APBB1: variants seen among roughly 807,000 people sequenced by gnomAD.
APBB1 encodes the protein adaptor protein FE65a2.
APBB1 carries 22 observed loss-of-function variants against 78.4 expected under a neutral mutation model. The observed-to-expected ratio is 0.28, with a 90% CI of 0.20 to 0.40. APBB1 has a LOEUF of 0.40. APBB1 is among the 10% of genes least tolerant of loss of function. The pLI, the probability that APBB1 is intolerant of heterozygous loss-of-function variation, is 1.00. For missense variants in APBB1, 749 were observed against 932.4 expected, an observed-to-expected ratio of 0.80 and a Z score of 2.56; for synonymous variants, 369 against 372.7, an observed-to-expected ratio of 0.99 and a Z score of 0.12.
At chr11:6,416,987 G>A (rs979695602) in intron 1 of APBB1, among the ~76,000 whole-genome samples, 98 of 152,246 alleles carry the variant, frequency 6.4e-4, no homozygotes, top group Admixed American at 1.4e-3. Flanking sequence ...CAGGTGATCC[G>A]CCCGCCTTGG....
chr11:6,398,468 G>C (rs57980643), intron 12 of APBB1, among the ~76,000 whole-genome samples: 1 of 152,170 alleles, frequency 6.6e-6, no homozygotes, highest in Admixed American at 6.5e-5. Flanking sequence ...GTTTAAAAAC[G>C]AGCATAAGAT....
rs1341165142 is a variant in APBB1, at chr11:6,419,029, C to T, written c.-59G>A. On this transcript the variant is annotated 5_prime_UTR_variant, in exon 1 of 15. Transcript: ENST00000609360. ...GCCCAGATGACGGAGGTGGCTCAGGCTGCGGGGTTCGGGCTCCGCCGCGGC... is the reference window on the plus strand; with the variant it reads ...GCCCAGATGACGGAGGTGGCTCAGGTTGCGGGGTTCGGGCTCCGCCGCGGC... 7.6e-6 allele frequency: 3 copies of T among 393,406 alleles called. No homozygotes were observed. The highest frequency in any genetic ancestry group is 3.6e-5 in the East Asian group (1 of 27,756). The allele number at this position is 393,406 out of a possible 1,614,324, so 24.4% of individuals were successfully genotyped here. A position where few individuals can be genotyped will look rare whatever the true frequency, so the allele number is the denominator to read the frequency against.
Position 6,395,872 on chromosome 11 carries a change from C to G in APBB1, c.1879G>C (p.Ala627Pro). The change falls in exon 14 of 15, where the codon GCC becomes CCC. Residue 627 changes from alanine to proline, a missense_variant. Transcript: ENST00000609360. The surrounding 1 kb of genome is among the most constrained non-coding windows in gnomAD (Gnocchi z 5.2). Reference sequence around the variant, plus strand: ...TGGCAGCAGAAGGAGGCTGGGCCGGCAGCCATGATGAATGCAAACGTGTGG... The same window carrying G: ...TGGCAGCAGAAGGAGGCTGGGCCGGGAGCCATGATGAATGCAAACGTGTGG... ...DVHTFAFIMA[A>P]GPASFCCHMF... 1 of 1,614,100 alleles carries G rather than the reference C, an allele frequency of 6.2e-7. No homozygotes were observed. The highest frequency in any genetic ancestry group is 8.5e-7 in the Non-Finnish European group (1 of 1,180,016).
chr11:6,405,769 G>A (rs1848778160), intron 2 of APBB1: 12 of 789,014 alleles, frequency 1.5e-5, no homozygotes, highest in Middle Eastern at 6.5e-4. Context: ...CACACTCTAT[G>A]GAATAAGGTT....
chr11:6,405,308 G>A (rs1848753910), intron 2 of APBB1: 2 of 988,540 alleles, frequency 2.0e-6, no homozygotes, highest in Admixed American at 6.0e-5. Context: ...TTGAACCCAA[G>A]GGTGGGCTTT....
At chr11:6,409,111 C>T (rs1848894454) in intron 2 of APBB1, among the ~76,000 whole-genome samples, 1 of 152,012 alleles carries the variant, frequency 6.6e-6, no homozygotes, top group Non-Finnish European at 1.5e-5. Context: ...TCTCTGCCAT[C>T]CAGGCTGGAA....
intron 7 of APBB1, 164 bp downstream of exon 7, chr11:6,402,412 A>C (rs1349574162): frequency 2.8e-5 from 30 of 1,082,716 alleles, no homozygotes; most frequent in Non-Finnish European, 3.7e-5. Context: ...CTATCTCCCA[A>C]GGTCCTGGCC....
rs147252435 is a variant in APBB1 at position 6,403,199 on chromosome 11, C to T, written c.1050G>A (p.Pro350=). ...GAAGCTTCTCCTCCTCTTGGGGCAA[C>T]GGCTCTGGGCTGAAGGCAGATGGTA... ...TFPAQSLSPE[P]LPQEEEKLPP... The change falls in exon 6 of 15, where the codon CCG becomes CCA. Residue 350 remains proline, a synonymous_variant. Transcript: ENST00000609360. The surrounding 1 kb of genome is among the most constrained non-coding windows in gnomAD (Gnocchi z 5.3). 651 of 1,613,146 alleles carry T rather than the reference C, an allele frequency of 4.0e-4. No individual in the cohort carries two copies. Among genetic ancestry groups the T allele is most frequent in the Non-Finnish European group, 5.1e-4 (596 of 1,179,644 alleles).
intron 1 of APBB1, among the ~76,000 whole-genome samples, chr11:6,416,792 A>C (rs1849130383): frequency 6.6e-6 from 1 of 151,396 alleles, no homozygotes; most frequent in African/African-American, 2.4e-5. Flanking sequence ...CCCAGGCTAC[A>C]GTGCAGTGGC....
intron 2 of APBB1, chr11:6,404,506 C>T (rs368631586): frequency 1.3e-5 from 18 of 1,401,374 alleles, no homozygotes; most frequent in African/African-American, 1.3e-4. Context: ...ACACGGCACA[C>T]GTCAAACCCT....
Position 6,417,287 on chromosome 11 carries a change from G to A in APBB1, c.-15+1698C>T, listed in dbSNP as rs987455544. On this transcript the variant is annotated intron_variant, in intron 1 of 14. Transcript: ENST00000609360. ...TCATCCACTATATTTTAGTTCAAAC[G>A]TCATGTTCTCAGAGAAGCTGTCCTC... Among the ~76,000 whole-genome samples, 30 of 152,160 alleles carry A rather than the reference G, an allele frequency of 2.0e-4. 1 individual carries two copies. The highest frequency in any genetic ancestry group is 7.0e-4 in the African/African-American group (29 of 41,516).
Position 6,396,224 on chromosome 11 carries a change from T to G in APBB1, c.1673-9A>C. On this transcript the variant is annotated splice_polypyrimidine_tract_variant and intron_variant, in intron 12 of 14. Transcript: ENST00000609360. ...ATTAATCACATCTACCCCTAGAACA[T>G]ATGGACACAAGATACCACTGAGGGT... The G allele has an allele frequency of 6.5e-7, 1 of 1,548,936 alleles. No individual in the cohort carries two copies. Among genetic ancestry groups the G allele is most frequent in the Non-Finnish European group, 8.7e-7 (1 of 1,145,354 alleles).
intron 6 of APBB1, 81 bp from the exon 7 acceptor site, chr11:6,402,806 G>T: frequency 6.4e-7 from 1 of 1,556,034 alleles, no homozygotes; most frequent in Non-Finnish European, 8.8e-7. Context: ...TGTGGCAGGA[G>T]GCAGGGTGTT....
intron 1 of APBB1, among the ~76,000 whole-genome samples, chr11:6,412,983 A>G (rs1240770149): frequency 2.0e-5 from 3 of 151,694 alleles, no homozygotes; most frequent in African/African-American, 7.3e-5. Flanking sequence ...AGTCCCAACT[A>G]TCCTTCCAGC....
chr11:6,415,047 AAGCCTGAGCATCT>A (rs1194371386), intron 1 of APBB1, among the ~76,000 whole-genome samples: 2 of 152,222 alleles, frequency 1.3e-5, no homozygotes, highest in African/African-American at 4.8e-5. Context: ...TTAAGTGCTG[AAGCCTGAGCATCT>A]AGCCTGAGGT....
intron 12 of APBB1, among the ~76,000 whole-genome samples, chr11:6,397,125 C>T (rs531685141): frequency 1.3e-5 from 2 of 152,364 alleles, no homozygotes; most frequent in African/African-American, 4.8e-5. Flanking sequence ...CTAGTCCCCA[C>T]ACTCATACGC....
chr11:6,412,342 G>C (rs191415590), intron 1 of APBB1, among the ~76,000 whole-genome samples: 1 of 151,954 alleles, frequency 6.6e-6, no homozygotes, highest in Non-Finnish European at 1.5e-5. Context: ...TAGTAGAGAC[G>C]GGGCTTCACC....
In APBB1 at chr11:6,401,554, G is replaced by C. The variant is rs1322471882; in HGVS notation, c.1503+20C>G. ...TAGAGCAAAGGTGGCAACTAGTCCA[G>C]GGAGTGGAGGGGGCCGTGCCTTAGA... On this transcript the variant is annotated intron_variant, in intron 10 of 14. Transcript: ENST00000609360. The surrounding 1 kb of genome is among the most constrained non-coding windows in gnomAD (Gnocchi z 4.5). The C allele has an allele frequency of 1.9e-6, 3 of 1,614,144 alleles. No homozygotes were observed. Among genetic ancestry groups the C allele is most frequent in the Non-Finnish European group, 2.5e-6 (3 of 1,180,032 alleles).
chr11:6,397,247 C>A (rs1170692845), intron 12 of APBB1, among the ~76,000 whole-genome samples: 1 of 152,268 alleles, frequency 6.6e-6, no homozygotes, highest in Non-Finnish European at 1.5e-5. Flanking sequence ...CCACTAGGAG[C>A]AGACCACGTG....
Sources: allele counts gnomAD v4.1 joint callset (sites outside exome capture counted in the v4.1 genomes callset), GRCh38; gene constraint gnomAD v4.1.1; non-coding constraint Gnocchi (gnomAD v3.1); transcripts MANE v1.5; gene names NCBI Gene and HGNC (gene_info 2026-07-23, HGNC 2026-07-21).